Variants in PHAF1 observed in about 807,000 individuals in gnomAD.
PHAF1 encodes the protein phagophore assembly factor 1.
In PHAF1, 23 loss-of-function variants were observed where a neutral mutation model predicts 63.1. The observed-to-expected ratio is 0.36, with a 90% CI of 0.26 to 0.52. The LOEUF is 0.52. Among genes scored for constraint, PHAF1 ranks in the 20% least tolerant of loss-of-function variants. PHAF1 has a pLI of 0.93. For synonymous variants in PHAF1, 167 were observed against 185.0 expected (o/e 0.90, Z 0.79); for missense variants, 427 against 517.2 (o/e 0.83, Z 1.69).
intron 2 of PHAF1, among the ~76,000 whole-genome samples, chr16:67,120,459 A>T (rs1962926344): frequency 6.6e-6 from 1 of 151,792 alleles, no homozygotes; most frequent in Admixed American, 6.6e-5. Flanking sequence ...TTAAACAGGG[A>T]CTTTTCAGTG....
chr16:67,143,925 C>G (rs1056978298), intron 10 of PHAF1, among the ~76,000 whole-genome samples: 14 of 151,506 alleles, frequency 9.2e-5, no homozygotes, highest in Non-Finnish European at 1.8e-4. Flanking sequence ...CCCGTCTCTA[C>G]TAAAAATAAA....
chr16:67,125,425 C>G (rs1446709257), intron 2 of PHAF1, among the ~76,000 whole-genome samples: 4 of 152,198 alleles, frequency 2.6e-5, no homozygotes, highest in Admixed American at 2.6e-4. Flanking sequence ...CAATATATTT[C>G]TTTGTCCTAG....
At chr16:67,141,497 G>C (rs181066931) in intron 10 of PHAF1, among the ~76,000 whole-genome samples, 2 of 152,206 alleles carry the variant, frequency 1.3e-5, no homozygotes, top group East Asian at 3.9e-4. Flanking sequence ...GGCTCATTCA[G>C]CTCACTCAGC....
chr16:67,146,337 G>A lies in PHAF1; in HGVS notation c.1169G>A (p.Arg390Gln), dbSNP rs779251004. 12 of 1,614,034 alleles carry A rather than the reference G, an allele frequency of 7.4e-6. No individual in the cohort carries two copies. Among genetic ancestry groups the A allele is most frequent in the Non-Finnish European group, 9.3e-6 (11 of 1,179,916 alleles). The change falls in exon 15 of 16, where the codon CGA becomes CAA. Residue 390 changes from arginine to glutamine, a missense_variant. Arg to Gln is a conservative substitution (Grantham distance 43, BLOSUM62 1). Transcript: ENST00000219139. ...FGSTFCFGLQ[R>Q]MIFEVMQNNH... ...TCCACATTCTGCTTTGGTCTTCAGCGAATGATCTTTGAGGTAAGCTGTGGA... is the reference window on the plus strand; with the variant it reads ...TCCACATTCTGCTTTGGTCTTCAGCAAATGATCTTTGAGGTAAGCTGTGGA...
chr16:67,141,179 T>G (rs1428985778), intron 10 of PHAF1, among the ~76,000 whole-genome samples: 2 of 152,176 alleles, frequency 1.3e-5, no homozygotes, highest in African/African-American at 4.8e-5. Context: ...CTTGTAACCT[T>G]TGAGCCTTCT....
chr16:67,145,720 A>C, intron 14 of PHAF1, 92 bp downstream of exon 14: 2 of 1,371,784 alleles, frequency 1.5e-6, no homozygotes, highest in South Asian at 2.6e-5. Context: ...TGTTGCTTAA[A>C]AATTACAGAA....
chr16:67,110,568 G>C (rs1962472599), intron 1 of PHAF1, among the ~76,000 whole-genome samples: 1 of 152,198 alleles, frequency 6.6e-6, no homozygotes. Flanking sequence ...GCCGGCACCT[G>C]AGGATAGGTA....
intron 2 of PHAF1, among the ~76,000 whole-genome samples, chr16:67,122,714 T>G (rs1963033903): frequency 6.6e-6 from 1 of 152,098 alleles, no homozygotes; most frequent in African/African-American, 2.4e-5. Flanking sequence ...TTCTTGATAA[T>G]AGAATAATCT....
At chr16:67,113,606 C>T (rs529395118) in intron 1 of PHAF1, among the ~76,000 whole-genome samples, 19 of 151,508 alleles carry the variant, frequency 1.3e-4, no homozygotes, top group Non-Finnish European at 2.1e-4. Flanking sequence ...CCCGCCACCA[C>T]GCCCAGCTAA....
intron 6 of PHAF1, 31 bp downstream of exon 6, chr16:67,132,942 G>T: frequency 6.6e-7 from 1 of 1,524,916 alleles, no homozygotes; most frequent in Non-Finnish European, 9.1e-7. Flanking sequence ...GGTGTTTGTT[G>T]TATGTGTCTG....
intron 1 of PHAF1, among the ~76,000 whole-genome samples, chr16:67,116,793 T>G (rs1962749053): frequency 6.6e-6 from 1 of 152,042 alleles, no homozygotes; most frequent in Admixed American, 6.6e-5. Flanking sequence ...GAGGTTTCAG[T>G]GAGCCAAGAT....
chr16:67,142,247 G>A (rs899565552), intron 10 of PHAF1, among the ~76,000 whole-genome samples: 3 of 152,232 alleles, frequency 2.0e-5, no homozygotes, highest in Non-Finnish European at 2.9e-5. Flanking sequence ...ATTGACATCT[G>A]TCCAAGTCTG....
rs2030066308 is a variant in PHAF1 at position 67,146,329 on chromosome 16, T to A, written c.1161T>A (p.Gly387=). 1.2e-6 allele frequency: 2 copies of A among 1,614,162 alleles called. No individual in the cohort carries two copies. Among genetic ancestry groups the A allele is most frequent in the East Asian group, 4.5e-5 (2 of 44,882 alleles). Residue 387 remains glycine, a synonymous_variant, in exon 15 of 16, where the codon GGT becomes GGA. Coordinates refer to ENST00000219139, the MANE Select transcript of PHAF1 (RefSeq NM_025187.5). ...CATTTGGTTCCACATTCTGCTTTGG[T>A]CTTCAGCGAATGATCTTTGAGGTAA... ...TNPFGSTFCF[G]LQRMIFEVMQ... is the part of the protein sequence containing the mutation.
At chr16:67,130,650 A>G (rs1963358468) in intron 3 of PHAF1, among the ~76,000 whole-genome samples, 1 of 152,196 alleles carries the variant, frequency 6.6e-6, no homozygotes, top group Admixed American at 6.5e-5. Flanking sequence ...TGCCCGGCTA[A>G]AATAAGCTAT....
At chr16:67,137,267 G>A (rs1963644605) in intron 8 of PHAF1, among the ~76,000 whole-genome samples, 1 of 152,152 alleles carries the variant, frequency 6.6e-6, no homozygotes, top group African/African-American at 2.4e-5. Context: ...TTCTAGCCAA[G>A]ACAGAACAAC....
chr16:67,123,397 T>A (rs558373917), intron 2 of PHAF1, among the ~76,000 whole-genome samples: 27 of 151,194 alleles, frequency 1.8e-4, no homozygotes, highest in African/African-American at 6.4e-4. Flanking sequence ...GCCAACATGG[T>A]GAAACCCCGT....
At chr16:67,142,224 C>G (rs1452568648) in intron 10 of PHAF1, among the ~76,000 whole-genome samples, 1 of 152,178 alleles carries the variant, frequency 6.6e-6, no homozygotes, top group Non-Finnish European at 1.5e-5. Flanking sequence ...AGCTTCTTCC[C>G]ACAGTTGGTA....
intron 15 of PHAF1, 118 bp from the exon 16 acceptor site, chr16:67,146,927 G>A (rs2030142846): frequency 1.1e-6 from 1 of 924,932 alleles, no homozygotes; most frequent in Admixed American, 1.8e-5. Flanking sequence ...AGGTTGAGGA[G>A]TCGGGAAACC....
At chr16:67,130,140 G>A (rs1597202231) in intron 3 of PHAF1, among the ~76,000 whole-genome samples, 2 of 151,904 alleles carry the variant, frequency 1.3e-5, no homozygotes, top group South Asian at 2.1e-4. Context: ...TCTGCCTCCC[G>A]GGTTCACGCC....
Sources: gnomAD v4.1 joint callset for allele counts (sites outside exome capture counted in the v4.1 genomes callset) on GRCh38, gnomAD v4.1.1 for gene constraint, MANE v1.5 for transcripts, NCBI Gene and HGNC (gene_info 2026-07-23, HGNC 2026-07-21) for gene names.